Variants in RNF24 observed in about 807,000 individuals in gnomAD.
RNF24 encodes ring finger protein 24.
In RNF24, 14 loss-of-function variants were observed where a neutral mutation model predicts 20.0. The ratio of observed to expected loss-of-function variants is 0.70; its 90% confidence interval spans 0.46 to 1.10. The LOEUF is 1.10. RNF24 is among the 50% of genes least tolerant of loss of function. The probability of loss-of-function intolerance (pLI) is 0.00; values close to 1 mark genes in which losing one functional copy is unlikely to be tolerated. For synonymous variants in RNF24, 45 were observed against 61.1 expected, an observed-to-expected ratio of 0.74 and a Z score of 1.23; for missense variants, 124 against 177.6, an observed-to-expected ratio of 0.70 and a Z score of 1.71.
At chr20:3,935,327 T>C (rs559314684) in intron 4 of RNF24, among the ~76,000 whole-genome samples, 7 of 152,292 alleles carry the variant, frequency 4.6e-5, no homozygotes, top group Non-Finnish European at 1.0e-4. Context: ...GGCAGCTGCC[T>C]TTACTTCAGT....
At chr20:3,960,043 A>G (rs924293626) in intron 2 of RNF24, among the ~76,000 whole-genome samples, 2 of 152,182 alleles carry the variant, frequency 1.3e-5, no homozygotes, top group African/African-American at 4.8e-5. Context: ...TCACAGCCCT[A>G]CCATAGTCAG....
chr20:3,939,196 G>A (rs962087995), intron 4 of RNF24, among the ~76,000 whole-genome samples: 1 of 152,122 alleles, frequency 6.6e-6, no homozygotes, highest in Non-Finnish European at 1.5e-5. Flanking sequence ...GTCTTGCTAT[G>A]TTGCCCAGGC....
chr20:3,948,046 CAAAA>C (rs368947234), intron 3 of RNF24, among the ~76,000 whole-genome samples, 187 bp downstream of exon 3: 1 of 92,334 alleles, frequency 1.1e-5, no homozygotes. Flanking sequence ...AACTCCGTCT[CAAAA>C]AAAAAAAAAA....
intron 4 of RNF24, among the ~76,000 whole-genome samples, chr20:3,944,311 G>A (rs1274695570): frequency 6.6e-6 from 1 of 151,854 alleles, no homozygotes; most frequent in Non-Finnish European, 1.5e-5. Context: ...ATTCTTTGAT[G>A]AAAAATATGC....
intron 2 of RNF24, among the ~76,000 whole-genome samples, chr20:3,955,367 G>A (rs1278637368): frequency 6.6e-6 from 1 of 152,122 alleles, no homozygotes; most frequent in Non-Finnish European, 1.5e-5. Flanking sequence ...CAGCTTCCCA[G>A]TACCATTGGT....
rs1292328297 is a variant in RNF24, at chr20:3,939,442, T to C, written c.229-4369A>G. ...TATCCAGTTGTCCCAGCACCACTGATTGAAAAGACTATTCTTTTCCCACTG... is the reference window on the plus strand; with the variant it reads ...TATCCAGTTGTCCCAGCACCACTGACTGAAAAGACTATTCTTTTCCCACTG... On this transcript the variant is annotated intron_variant, in intron 4 of 5. Coordinates refer to ENST00000358395, the MANE Select transcript of RNF24 (RefSeq NM_001134337.3). Among the ~76,000 whole-genome samples the C allele has an allele frequency of 2.6e-5, 4 of 152,364 alleles. No homozygotes were observed. In the East Asian group the frequency reaches 7.7e-4, roughly 29 times the overall value.
At chr20:3,962,530 A>C (rs1000701258) in intron 2 of RNF24, among the ~76,000 whole-genome samples, 2 of 151,580 alleles carry the variant, frequency 1.3e-5, no homozygotes, top group Non-Finnish European at 2.9e-5. Context: ...ACAAATAGAC[A>C]AACACAAATG....
chr20:3,974,733 A>G (rs1158021241), intron 1 of RNF24, among the ~76,000 whole-genome samples: 1 of 152,214 alleles, frequency 6.6e-6, no homozygotes, highest in African/African-American at 2.4e-5. Flanking sequence ...GCTAAAAATG[A>G]CAAAATGATG....
At chr20:3,969,398 G>A (rs1406484653) in intron 1 of RNF24, among the ~76,000 whole-genome samples, 2 of 151,602 alleles carry the variant, frequency 1.3e-5, no homozygotes, top group Non-Finnish European at 2.9e-5. Flanking sequence ...GGGACCTGGG[G>A]ACCCAAGGAA....
chr20:3,945,292 A>G (rs2091003444), intron 3 of RNF24, 74 bp from the exon 4 acceptor site: 1 of 1,412,282 alleles, frequency 7.1e-7, no homozygotes, highest in South Asian at 1.3e-5. Flanking sequence ...ATATTCTCAA[A>G]TATTTTTCTT....
chr20:4,007,713 G>A (rs1365538899), intron 1 of RNF24, among the ~76,000 whole-genome samples: 1 of 133,698 alleles, frequency 7.5e-6, no homozygotes, highest in African/African-American at 2.9e-5. Context: ...ACCAGCCTGG[G>A]CAACATAGTG....
intron 1 of RNF24, among the ~76,000 whole-genome samples, chr20:3,967,973 C>CAAGACTCTGTCTCAAAAAA (rs2091275977): frequency 1.3e-5 from 1 of 77,180 alleles, no homozygotes; most frequent in East Asian, 3.4e-4. Context: ...AGCCTGGCAA[C>CAAGACTCTGTCTCAAAAAA]AAAAAAAAAA....
At position 3,939,823 on chromosome 20, in the gene RNF24, A is replaced by G. The variant is rs139372103; in HGVS notation, c.229-4750T>C. ...TTACCAATATTACATTTTCTAACCA[A>G]TGAACATGGGATGTCATCCCAATTA... On this transcript the variant is annotated intron_variant, in intron 4 of 5. Transcript: ENST00000358395. Among the ~76,000 whole-genome samples the G allele has an allele frequency of 1.5e-3, 225 of 152,320 alleles. 1 individual carries two copies. Among genetic ancestry groups the G allele is most frequent in the African/African-American group, 5.2e-3 (218 of 41,582 alleles).
At chr20:3,974,129 A>G in intron 1 of RNF24, among the ~76,000 whole-genome samples, 1 of 152,066 alleles carries the variant, frequency 6.6e-6, no homozygotes, top group East Asian at 1.9e-4. Context: ...TCACATGATC[A>G]TATTAACTGA....
At chr20:3,963,752 C>T (rs2091227991) in intron 2 of RNF24, 123 bp downstream of exon 2, 2 of 679,198 alleles carry the variant, frequency 2.9e-6, no homozygotes, top group African/African-American at 1.8e-5. Flanking sequence ...AAACGGTAAG[C>T]CATCTTAATT....
chr20:3,964,176 A>G (rs2091233776), intron 1 of RNF24, among the ~76,000 whole-genome samples, 152 bp from the exon 2 acceptor site: 2 of 152,202 alleles, frequency 1.3e-5, no homozygotes, highest in African/African-American at 4.8e-5. Context: ...TCATTCATTC[A>G]CCATGCCAAA....
At chr20:4,008,417 TA>T (rs1400844316) in intron 1 of RNF24, among the ~76,000 whole-genome samples, 7 of 42,098 alleles carry the variant, frequency 1.7e-4, no homozygotes, top group African/African-American at 2.4e-4. Flanking sequence ...ATAATATATA[TA>T]TTATATATAA....
intron 1 of RNF24, among the ~76,000 whole-genome samples, chr20:4,005,869 A>G (rs1304729659): frequency 1.3e-5 from 2 of 152,258 alleles, no homozygotes; most frequent in East Asian, 1.9e-4. Context: ...TGAGAATTCA[A>G]TAAACACTGT....
Position 3,928,912 on chromosome 20 carries a change from G to GA in RNF24, c.*5150dup, listed in dbSNP as rs1377353476. The GA allele has an allele frequency of 6.6e-6, 1 of 151,738 alleles. No individual in the cohort carries two copies. Among genetic ancestry groups the GA allele is most frequent in the Non-Finnish European group, 1.5e-5 (1 of 67,914 alleles). The allele number at this position is 151,738 out of a possible 1,614,324, so 9.4% of individuals were successfully genotyped here. ...GTTGCCCAGGCTGGAGTGCAGTGGG[G>GA]ATCTTGGCTCACTGCAACTTCTGTC... On this transcript the variant is annotated 3_prime_UTR_variant, in exon 6 of 6. Coordinates refer to ENST00000358395, the MANE Select transcript of RNF24 (RefSeq NM_001134337.3).
Sources: gnomAD v4.1 joint callset for allele counts (sites outside exome capture counted in the v4.1 genomes callset) on GRCh38, gnomAD v4.1.1 for gene constraint, MANE v1.5 for transcripts, NCBI Gene and HGNC (gene_info 2026-07-23, HGNC 2026-07-21) for gene names.